The following SEMA6D variants were observed in gnomAD, a reference collection of about 807,000 sequenced individuals.
The protein encoded by SEMA6D is semaphorin-6D.
In SEMA6D, 35 loss-of-function variants were observed where a neutral mutation model predicts 106.6. The ratio of observed to expected loss-of-function variants is 0.33; its 90% confidence interval spans 0.25 to 0.44. The LOEUF is 0.44. Among genes scored for constraint, SEMA6D ranks in the 20% least tolerant of loss-of-function variants. SEMA6D has a pLI of 1.00. For synonymous variants in SEMA6D, 499 were observed against 487.7 expected (o/e 1.02, Z -0.31); for missense variants, 1,185 against 1,345.9 (o/e 0.88, Z 1.87).
chr15:47,414,986 A>G (rs970136733), intron 2 of SEMA6D, among the ~76,000 whole-genome samples: 1 of 152,160 alleles, frequency 6.6e-6, no homozygotes, highest in Non-Finnish European at 1.5e-5. Context: ...TTCTCTGTAG[A>G]CTTAGCTGGA....
At chr15:47,568,929 T>C (rs1181333390) in intron 3 of SEMA6D, among the ~76,000 whole-genome samples, 1 of 152,186 alleles carries the variant, frequency 6.6e-6, no homozygotes, top group African/African-American at 2.4e-5. Context: ...TCTCCACTAA[T>C]GGATGCTAAG....
At chr15:47,764,602 A>G in intron 11 of SEMA6D, 36 bp from the exon 12 acceptor site, 1 of 1,609,582 alleles carries the variant, frequency 6.2e-7, no homozygotes, top group Non-Finnish European at 8.5e-7. Context: ...TGGCAGGGGC[A>G]GCCGAGAGCA....
rs1296633387 is a variant in SEMA6D at position 47,771,590 on chromosome 15, G to A, written c.3027G>A (p.Val1009=). 1 of 1,614,092 alleles carries A rather than the reference G, an allele frequency of 6.2e-7. No individual in the cohort carries two copies. Among genetic ancestry groups the A allele is most frequent in the South Asian group, 1.1e-5 (1 of 91,078 alleles). ...TGCCCACCCCCACTGGGGCGAAGGT[G>A]GACTATATTCAGGGAACACCAGTGA... The part of the protein sequence containing the change: ...GYMPTPTGAK[V]DYIQGTPVSV... Residue 1009 remains valine (V), a synonymous_variant, in exon 19 of 19, where the codon GTG becomes GTA. Transcript: ENST00000536845.
chr15:47,679,056 A>G (rs773779164), intron 4 of SEMA6D, among the ~76,000 whole-genome samples: 2 of 152,230 alleles, frequency 1.3e-5, no homozygotes, highest in Non-Finnish European at 2.9e-5. Context: ...TCAAAATTTG[A>G]TATTAAAATA....
At chr15:47,605,624 TC>T (rs2076763980) in intron 4 of SEMA6D, among the ~76,000 whole-genome samples, 1 of 151,774 alleles carries the variant, frequency 6.6e-6, no homozygotes, top group Non-Finnish European at 1.5e-5. Flanking sequence ...CCCAACCACA[TC>T]CCCGATCCCC....
chr15:47,294,379 A>G (rs2035721372), intron 1 of SEMA6D, among the ~76,000 whole-genome samples: 1 of 152,038 alleles, frequency 6.6e-6, no homozygotes, highest in African/African-American at 2.4e-5. Flanking sequence ...GCGTGCCACC[A>G]TGCCCGGCTA....
At chr15:47,448,697 G>C (rs982039375) in intron 2 of SEMA6D, among the ~76,000 whole-genome samples, 1 of 152,086 alleles carries the variant, frequency 6.6e-6, no homozygotes, top group African/African-American at 2.4e-5. Context: ...TTGAAGTAAG[G>C]GTCCTACTTT....
chr15:47,553,675 G>A (rs567541232), intron 3 of SEMA6D, among the ~76,000 whole-genome samples: 13 of 152,162 alleles, frequency 8.5e-5, no homozygotes, highest in African/African-American at 3.1e-4. Context: ...CTGTGTGTCA[G>A]TACAAAGCTT....
intron 2 of SEMA6D, among the ~76,000 whole-genome samples, chr15:47,459,122 A>G (rs2042426214): frequency 6.6e-6 from 1 of 152,176 alleles, no homozygotes; most frequent in African/African-American, 2.4e-5. Context: ...ATTATGTTGC[A>G]TTATGTGAAA....
At chr15:47,471,933 A>T (rs12911796) in intron 3 of SEMA6D, among the ~76,000 whole-genome samples, 2,231 of 63,014 alleles carry the variant, frequency 0.035, 16 homozygotes, top group East Asian at 0.12. Context: ...TCTCTCTCTC[A>T]CACACACACA....
intron 3 of SEMA6D, among the ~76,000 whole-genome samples, chr15:47,535,311 A>C (rs2045124152): frequency 1.3e-5 from 2 of 152,168 alleles, no homozygotes; most frequent in Non-Finnish European, 2.9e-5. Flanking sequence ...GTGTTCACCT[A>C]TCCCACAGAT....
chr15:47,473,996 G>A (rs28567905), intron 3 of SEMA6D, among the ~76,000 whole-genome samples: 2,515 of 152,272 alleles, frequency 0.017, 79 homozygotes, highest in African/African-American at 0.058. Context: ...CAGGGGAGCC[G>A]GAAGCCTGGG....
At chr15:47,420,404 C>T (rs936485517) in intron 2 of SEMA6D, among the ~76,000 whole-genome samples, 1 of 152,060 alleles carries the variant, frequency 6.6e-6, no homozygotes, top group Non-Finnish European at 1.5e-5. Context: ...CTCTCCTAAC[C>T]TATTCTACTC....
chr15:47,659,684 T>C (rs976068920), intron 4 of SEMA6D, among the ~76,000 whole-genome samples: 3 of 152,124 alleles, frequency 2.0e-5, no homozygotes, highest in Admixed American at 2.0e-4. Flanking sequence ...ATGACAAAGG[T>C]CTGATTTTCC....
At chr15:47,626,934 A>C (rs1456378713) in intron 4 of SEMA6D, among the ~76,000 whole-genome samples, 1 of 152,174 alleles carries the variant, frequency 6.6e-6, no homozygotes, top group Non-Finnish European at 1.5e-5. Flanking sequence ...TTGACCGAGA[A>C]CAGGAGGCAC....
intron 2 of SEMA6D, among the ~76,000 whole-genome samples, chr15:47,467,978 G>C (rs2042714029): frequency 6.6e-6 from 1 of 152,036 alleles, no homozygotes; most frequent in African/African-American, 2.4e-5. Context: ...CGACAGGATT[G>C]TTTTGAGACA....
At chr15:47,393,985 C>A (rs1567048573) in intron 1 of SEMA6D, among the ~76,000 whole-genome samples, 2 of 152,110 alleles carry the variant, frequency 1.3e-5, no homozygotes, top group East Asian at 1.9e-4. Flanking sequence ...TTCTTAAAGT[C>A]TTTTAGCAAG....
chr15:47,377,423 T>C (rs1210661032), intron 1 of SEMA6D, among the ~76,000 whole-genome samples: 2 of 152,100 alleles, frequency 1.3e-5, no homozygotes, highest in African/African-American at 4.8e-5. Context: ...GCTACAGGGA[T>C]GAGAAACAGA....
At chr15:47,730,078 G>T in intron 1 of SEMA6D, 1 of 746,322 alleles carries the variant, frequency 1.3e-6, no homozygotes. Flanking sequence ...GTTTAGTTTA[G>T]TTTTGAAGGA....
Sources: allele counts gnomAD v4.1 joint callset (sites outside exome capture counted in the v4.1 genomes callset), GRCh38; gene constraint gnomAD v4.1.1; transcripts MANE v1.5; gene names NCBI Gene and HGNC (gene_info 2026-07-23, HGNC 2026-07-21).